MRPL39: variants seen among roughly 807,000 people sequenced by gnomAD.
MRPL39 encodes mitochondrial ribosomal protein L39.
Under a neutral mutation model 44.5 loss-of-function variants are expected in MRPL39, and 35 were observed. The ratio of observed to expected loss-of-function variants is 0.79; its 90% CI spans 0.60 to 1.04. The LOEUF (loss-of-function observed/expected upper bound fraction) is 1.04. Ranked by LOEUF, MRPL39 falls within the 50% of genes least tolerant of loss-of-function variation. The pLI is 0.00. For missense variants in MRPL39, 433 were observed against 413.5 expected (o/e 1.05, Z -0.41); for synonymous variants, 139 against 136.1 (o/e 1.02, Z -0.15).
intron 8 of MRPL39, 39 bp from the exon 9 acceptor site, chr21:25,588,921 G>A (rs764171008): frequency 7.7e-5 from 119 of 1,550,770 alleles, no homozygotes; most frequent in Non-Finnish European, 1.0e-4. Context: ...AAATGAAGCA[G>A]TAATGTCAAA....
chr21:25,593,050 G>A, intron 7 of MRPL39, 85 bp from the exon 8 acceptor site: 1 of 1,191,714 alleles, frequency 8.4e-7, no homozygotes, highest in Non-Finnish European at 1.2e-6. Flanking sequence ...CCTTCTCTTT[G>A]CTGCTAACAT....
chr21:25,594,038 C>A, intron 6 of MRPL39, 80 bp from the exon 7 acceptor site: 1 of 1,152,632 alleles, frequency 8.7e-7, no homozygotes, highest in Non-Finnish European at 1.3e-6. Context: ...CCTTTCTCTT[C>A]CTCTTCAGCC....
In MRPL39 at chr21:25,601,482, T is replaced by G. The variant is rs758177278; in HGVS notation, c.421-15A>C. The G allele has an allele frequency of 6.6e-7, 1 of 1,507,382 alleles. No homozygotes were observed. The highest frequency in any genetic ancestry group is 2.3e-5 in the East Asian group (1 of 43,290). The allele number at this position is 1,507,382 out of a possible 1,614,324, so 93.4% of individuals were successfully genotyped here. A position where few individuals can be genotyped will look rare whatever the true frequency, so the allele number is the denominator to read the frequency against. On this transcript the variant is annotated splice_polypyrimidine_tract_variant and intron_variant, in intron 3 of 9. Transcript: ENST00000352957. ...CGCCAATATGCCTAGAAAAAAAATA[T>G]ACATATATAAAATATATATAAACAC... is the stretch of plus-strand genomic sequence containing the variant.
At chr21:25,600,401 A>AT (rs2031486688) in intron 4 of MRPL39, among the ~76,000 whole-genome samples, 1 of 150,644 alleles carries the variant, frequency 6.6e-6, no homozygotes, top group Admixed American at 6.6e-5. Flanking sequence ...GTCTTAAAAA[A>AT]AAAAAAAAAA....
chr21:25,601,228 T>C (rs1281457376), intron 4 of MRPL39, 140 bp downstream of exon 4: 5 of 412,158 alleles, frequency 1.2e-5, no homozygotes, highest in East Asian at 4.0e-5. Flanking sequence ...TGTTTCATCA[T>C]AGTAAGAAAG....
intron 2 of MRPL39, among the ~76,000 whole-genome samples, chr21:25,605,731 C>T (rs571737525): frequency 2.1e-4 from 32 of 152,084 alleles, no homozygotes; most frequent in Non-Finnish European, 3.5e-4. Context: ...CACAGCCACC[C>T]TCTCTCTCAA....
chr21:25,603,683 G>T, intron 3 of MRPL39, 113 bp downstream of exon 3: 3 of 1,111,416 alleles, frequency 2.7e-6, no homozygotes, highest in South Asian at 3.4e-5. Flanking sequence ...TAAAGAGTAC[G>T]ATACAACATT....
At chr21:25,589,594 G>A (rs552287657) in intron 8 of MRPL39, among the ~76,000 whole-genome samples, 44 of 152,164 alleles carry the variant, frequency 2.9e-4, no homozygotes, top group Admixed American at 2.3e-3. Flanking sequence ...ACAACCTCCT[G>A]TAGCAGAGGA....
chr21:25,607,232 T>C (rs1056385671), intron 1 of MRPL39, among the ~76,000 whole-genome samples, 171 bp downstream of exon 1: 1 of 151,970 alleles, frequency 6.6e-6, no homozygotes, highest in African/African-American at 2.4e-5. Context: ...AGACCCTCGT[T>C]CCCATAAATT....
intron 9 of MRPL39, among the ~76,000 whole-genome samples, chr21:25,586,385 A>G (rs1165420888): frequency 6.6e-6 from 1 of 152,200 alleles, no homozygotes; most frequent in East Asian, 1.9e-4. Flanking sequence ...CATTCTCCCT[A>G]TCGCGGCTGA....
At chr21:25,607,295 C>A (rs1339097001) in intron 1 of MRPL39, 108 bp downstream of exon 1, 12 of 1,225,028 alleles carry the variant, frequency 9.8e-6, no homozygotes, top group Admixed American at 1.9e-5. Flanking sequence ...AAGAAACCCT[C>A]CTCCTTCCTC....
At chr21:25,592,357 C>T (rs2031205230) in intron 8 of MRPL39, among the ~76,000 whole-genome samples, 1 of 152,092 alleles carries the variant, frequency 6.6e-6, no homozygotes, top group Non-Finnish European at 1.5e-5. Flanking sequence ...CATGGGATCT[C>T]TCTATGTCTT....
chr21:25,607,267 G>C, intron 1 of MRPL39, 136 bp downstream of exon 1: 1 of 919,880 alleles, frequency 1.1e-6, no homozygotes, highest in Non-Finnish European at 1.7e-6. Flanking sequence ...GTGCAAGAGC[G>C]ACCGCCGCGG....
At chr21:25,607,322 C>T in intron 1 of MRPL39, 81 bp downstream of exon 1, 2 of 1,521,796 alleles carry the variant, frequency 1.3e-6, no homozygotes, top group Non-Finnish European at 1.8e-6. Context: ...GCGGGACCTC[C>T]CCGGCCCCGC....
intron 5 of MRPL39, among the ~76,000 whole-genome samples, chr21:25,598,512 A>G (rs1368662741): frequency 1.3e-5 from 2 of 151,830 alleles, no homozygotes; most frequent in African/African-American, 4.8e-5. Flanking sequence ...TTAAATCTTG[A>G]CCTCAGTTTT....
rs1359484545 is a variant in MRPL39, at chr21:25,603,829, A to C, written c.387T>G (p.Thr129=). The C allele has an allele frequency of 6.2e-7, 1 of 1,611,980 alleles. No individual in the cohort carries two copies. Among genetic ancestry groups the C allele is most frequent in the South Asian group, 1.1e-5 (1 of 90,770 alleles). ...CTTCTCCTGGATCACAATCTTTGAAAGTAAGAAATTTAATTTCACAGGACT... is the reference window on the plus strand; with the variant it reads ...CTTCTCCTGGATCACAATCTTTGAACGTAAGAAATTTAATTTCACAGGACT... ...LTKSCEIKFL[T]FKDCDPGEVN... The change falls in exon 3 of 10, where the codon ACT becomes ACG. Residue 129 remains threonine, a synonymous_variant. Transcript: ENST00000352957.
rs1350106037 is a variant in MRPL39 at position 25,587,769 on chromosome 21, A to G, written c.969+1066T>C. 3 of 1,612,982 alleles carry G rather than the reference A, an allele frequency of 1.9e-6. No homozygotes were observed. In the Admixed American group the frequency reaches 5.0e-5, roughly 27 times the overall value. ...TGAAGAATGACTGCGTAGTAAATAG[A>G]AGGAGAATGGGAAATGGAGTCTAGA... On this transcript the variant is annotated intron_variant, in intron 9 of 9. Transcript: ENST00000352957.
chr21:25,587,262 A>G (rs1055884449), intron 9 of MRPL39, among the ~76,000 whole-genome samples: 8 of 152,016 alleles, frequency 5.3e-5, no homozygotes, highest in Non-Finnish European at 1.2e-4. Flanking sequence ...AATTTTTTTT[A>G]ATTTTACTTA....
At chr21:25,588,730 T>C in intron 9 of MRPL39, 105 bp downstream of exon 9, 1 of 1,082,632 alleles carries the variant, frequency 9.2e-7, no homozygotes, top group Non-Finnish European at 1.4e-6. Context: ...CTTACTTTTT[T>C]CCTTTCTCTT....
Sources: allele counts gnomAD v4.1 joint callset (sites outside exome capture counted in the v4.1 genomes callset), GRCh38; gene constraint gnomAD v4.1.1; transcripts MANE v1.5; gene names NCBI Gene and HGNC (gene_info 2026-07-23, HGNC 2026-07-21).